Variants in MAP3K5 observed in about 807,000 individuals in gnomAD.
MAP3K5 encodes the protein ASK-1.
In MAP3K5, 56 loss-of-function variants were observed where a neutral mutation model predicts 158.7. The observed-to-expected ratio is 0.35, with a 90% CI of 0.28 to 0.44. The LOEUF is 0.44. Among genes scored for constraint, MAP3K5 ranks in the 20% least tolerant of loss-of-function variants. The pLI, the probability that MAP3K5 is intolerant of heterozygous loss-of-function variation, is 1.00. For missense variants in MAP3K5, 1,294 were observed against 1,674.8 expected, an observed-to-expected ratio of 0.77 and a Z score of 3.97; for synonymous variants, 579 against 601.7, an observed-to-expected ratio of 0.96 and a Z score of 0.55.
chr6:136,724,532 G>C (rs1385439530), intron 1 of MAP3K5, among the ~76,000 whole-genome samples: 1 of 152,086 alleles, frequency 6.6e-6, no homozygotes, highest in Non-Finnish European at 1.5e-5. Flanking sequence ...ACAAGCATGA[G>C]CCACTGTGCC....
intron 26 of MAP3K5, among the ~76,000 whole-genome samples, chr6:136,567,269 T>C (rs1420549815): frequency 6.6e-6 from 1 of 152,216 alleles, no homozygotes; most frequent in Non-Finnish European, 1.5e-5. Context: ...CTATAAAGAC[T>C]TGACTGGGCT....
chr6:136,763,008 A>G (rs1262739327), intron 1 of MAP3K5, among the ~76,000 whole-genome samples: 1 of 152,086 alleles, frequency 6.6e-6, no homozygotes, highest in Non-Finnish European at 1.5e-5. Flanking sequence ...TTACTTATTC[A>G]TTTATTTTGA....
intron 1 of MAP3K5, among the ~76,000 whole-genome samples, chr6:136,752,758 G>A (rs1783273503): frequency 6.6e-6 from 1 of 152,114 alleles, no homozygotes; most frequent in Non-Finnish European, 1.5e-5. Flanking sequence ...GAAGATGAAG[G>A]GCACTCCAGA....
chr6:136,644,596 T>C (rs1350781944), intron 11 of MAP3K5, among the ~76,000 whole-genome samples: 1 of 152,226 alleles, frequency 6.6e-6, no homozygotes, highest in Admixed American at 6.5e-5. Flanking sequence ...AGTTATACTG[T>C]AGTAGGCACT....
At chr6:136,723,210 G>GAC (rs1217074342) in intron 1 of MAP3K5, among the ~76,000 whole-genome samples, 1 of 151,610 alleles carries the variant, frequency 6.6e-6, no homozygotes, top group Non-Finnish European at 1.5e-5. Flanking sequence ...ATGTAATAAT[G>GAC]ATATATATGT....
chr6:136,589,895 G>A, intron 23 of MAP3K5, among the ~76,000 whole-genome samples: 1 of 152,194 alleles, frequency 6.6e-6, no homozygotes, highest in Non-Finnish European at 1.5e-5. Context: ...GTATGTGACA[G>A]TTTGTTATGG....
At chr6:136,637,063 T>C (rs564561486) in intron 14 of MAP3K5, 12 of 1,292,260 alleles carry the variant, frequency 9.3e-6, no homozygotes, top group South Asian at 4.3e-5. Context: ...GGCCCATGCA[T>C]TGACACTGTC....
chr6:136,587,843 A>G (rs560512434), intron 23 of MAP3K5, among the ~76,000 whole-genome samples: 19 of 152,302 alleles, frequency 1.2e-4, no homozygotes, highest in Non-Finnish European at 7.4e-5. Context: ...TTTACAGAGG[A>G]CATTCAAATG....
At chr6:136,785,883 G>A (rs1784823313) in intron 1 of MAP3K5, among the ~76,000 whole-genome samples, 3 of 152,148 alleles carry the variant, frequency 2.0e-5, no homozygotes, top group South Asian at 2.1e-4. Flanking sequence ...AATGGTGAAT[G>A]GTTCCATAAA....
Position 136,613,061 on chromosome 6 carries a change from A to T in MAP3K5, c.2415+59T>A. ...CTCATAACACAATATGACTTTTGCA[A>T]GTAAAATAATAACCCAGCAAAGAAA... On this transcript the variant is annotated intron_variant, in intron 17 of 29. Transcript: ENST00000359015. This position sits in a 1 kb window ranked among gnomAD's most constrained non-coding sequence, Gnocchi z 4.0. 6.7e-7 allele frequency: 1 copy of T among 1,497,554 alleles called. No homozygotes were observed. Among genetic ancestry groups the T allele is most frequent in the Non-Finnish European group, 9.0e-7 (1 of 1,113,866 alleles). 92.8% of individuals were successfully genotyped at this position (1,497,554 alleles called of 1,614,324 possible).
intron 2 of MAP3K5, among the ~76,000 whole-genome samples, chr6:136,713,160 C>T (rs1781382321): frequency 6.6e-6 from 1 of 152,148 alleles, no homozygotes; most frequent in Non-Finnish European, 1.5e-5. Flanking sequence ...GATAATTCAG[C>T]AAGGCTTGCC....
At chr6:136,653,800 C>G (rs902924554) in intron 10 of MAP3K5, among the ~76,000 whole-genome samples, 1 of 152,126 alleles carries the variant, frequency 6.6e-6, no homozygotes, top group African/African-American at 2.4e-5. Flanking sequence ...TCTTGGTAGA[C>G]TGGCATTTTC....
intron 1 of MAP3K5, among the ~76,000 whole-genome samples, chr6:136,774,409 C>T (rs546708149): frequency 1.2e-3 from 184 of 152,218 alleles, no homozygotes; most frequent in African/African-American, 4.1e-3. Context: ...GAGCTGTGAT[C>T]GCACCACTGC....
At chr6:136,628,057 T>C (rs903502491) in intron 14 of MAP3K5, among the ~76,000 whole-genome samples, 10 of 152,120 alleles carry the variant, frequency 6.6e-5, no homozygotes, top group Non-Finnish European at 1.3e-4. Flanking sequence ...AACAAAACAT[T>C]TAGAGTCATT....
intron 1 of MAP3K5, among the ~76,000 whole-genome samples, chr6:136,758,860 T>C (rs1783616700): frequency 6.6e-6 from 1 of 152,250 alleles, no homozygotes. Context: ...TATGTTTCTA[T>C]GAGTCAAACC....
intron 7 of MAP3K5, among the ~76,000 whole-genome samples, chr6:136,678,289 T>C (rs1779789863): frequency 6.6e-6 from 1 of 152,188 alleles, no homozygotes; most frequent in African/African-American, 2.4e-5. Flanking sequence ...AAACAGATGC[T>C]GATATATTCT....
intron 1 of MAP3K5, among the ~76,000 whole-genome samples, chr6:136,724,927 G>A (rs892869421): frequency 4.6e-5 from 7 of 152,132 alleles, no homozygotes; most frequent in African/African-American, 1.7e-4. Flanking sequence ...CCCTTTTGAG[G>A]TTAGTCTTCC....
At chr6:136,736,992 AT>A (rs1231083061) in intron 1 of MAP3K5, among the ~76,000 whole-genome samples, 1 of 141,096 alleles carries the variant, frequency 7.1e-6, no homozygotes, top group African/African-American at 2.9e-5. Context: ...CCATGTTGTT[AT>A]TTTTTTAATG....
chr6:136,738,941 TGC>T (rs1491523283), intron 1 of MAP3K5, among the ~76,000 whole-genome samples: 1 of 107,688 alleles, frequency 9.3e-6, no homozygotes, highest in African/African-American at 4.4e-5. Flanking sequence ...CACACACGCG[TGC>T]ACACACACAC....
Sources: gnomAD v4.1 joint callset for allele counts (sites outside exome capture counted in the v4.1 genomes callset) on GRCh38, gnomAD v4.1.1 for gene constraint, Gnocchi (gnomAD v3.1) non-coding constraint, MANE v1.5 for transcripts, NCBI Gene and HGNC (gene_info 2026-07-23, HGNC 2026-07-21) for gene names.